ARHGEF3: variants seen among roughly 807,000 people sequenced by gnomAD.
ARHGEF3 encodes 59.8 kDA protein.
A neutral mutation model predicts 63.2 loss-of-function variants in ARHGEF3; 28 were observed. That is an observed-to-expected ratio of 0.44 (90% CI 0.33 to 0.61). The LOEUF (loss-of-function observed/expected upper bound fraction) is 0.61. Ranked by LOEUF, ARHGEF3 falls within the 20% of genes least tolerant of loss-of-function variation. The pLI, the probability that ARHGEF3 is intolerant of heterozygous loss-of-function variation, is 0.03. For missense variants in ARHGEF3, 533 were observed against 659.3 expected (o/e 0.81, Z 2.10); for synonymous variants, 266 against 254.2 (o/e 1.05, Z -0.44).
At chr3:56,944,073 G>A (rs371103206) in intron 3 of ARHGEF3, among the ~76,000 whole-genome samples, 14 of 152,196 alleles carry the variant, frequency 9.2e-5, no homozygotes, top group South Asian at 4.1e-4. Flanking sequence ...CTACTCGGGC[G>A]GCTGAGGCAG....
intron 8 of ARHGEF3, among the ~76,000 whole-genome samples, chr3:56,733,984 CAAAAAAAAAAAA>C (rs777924213): frequency 5.4e-5 from 3 of 55,088 alleles, no homozygotes; most frequent in South Asian, 6.8e-4. Flanking sequence ...AATTCTGTCT[CAAAAAAAAAAAA>C]AAAAAAAAAA....
At chr3:57,002,440 A>C (rs1702236427) in intron 2 of ARHGEF3, among the ~76,000 whole-genome samples, 1 of 53,450 alleles carries the variant, frequency 1.9e-5, no homozygotes, top group South Asian at 7.9e-4. Context: ...ATATATATAT[A>C]TGCCAGGCAC....
At chr3:56,951,543 A>G (rs1699813423) in intron 3 of ARHGEF3, among the ~76,000 whole-genome samples, 1 of 151,984 alleles carries the variant, frequency 6.6e-6, no homozygotes, top group Non-Finnish European at 1.5e-5. Flanking sequence ...TTATTGCCCT[A>G]TTGACTTCAT....
Position 56,994,064 on chromosome 3 carries a change from C to CAAAAAA in ARHGEF3, c.63-35181_63-35176dup, listed in dbSNP as rs60299557. ...GGGCGACAAGAGTGAAACTTCGTCT[C>CAAAAAA]AAAAAAAAAAAAAAAAAAAAAGCAC... On this transcript the variant is annotated intron_variant, in intron 2 of 12. Transcript: ENST00000338458. Among the ~76,000 whole-genome samples, 86 of 59,712 alleles carry CAAAAAA rather than the reference C, an allele frequency of 1.4e-3. 9 individuals are homozygous for CAAAAAA. Among genetic ancestry groups the CAAAAAA allele is most frequent in the African/African-American group, 4.3e-3 (64 of 14,976 alleles). The allele number at this position is 59,712 out of a possible 152,430, so 39.2% of individuals were successfully genotyped here. A position where few individuals can be genotyped will look rare whatever the true frequency, so the allele number is the denominator to read the frequency against.
At chr3:56,913,911 C>T (rs1434451493) in intron 3 of ARHGEF3, among the ~76,000 whole-genome samples, 1 of 152,088 alleles carries the variant, frequency 6.6e-6, no homozygotes, top group Non-Finnish European at 1.5e-5. Context: ...GATAAATAAA[C>T]CGTGGTATAT....
At chr3:56,999,154 A>G (rs1702097691) in intron 2 of ARHGEF3, among the ~76,000 whole-genome samples, 1 of 151,906 alleles carries the variant, frequency 6.6e-6, no homozygotes, top group South Asian at 2.1e-4. Flanking sequence ...GGTTCAAGTG[A>G]TTCTCTTGCC....
chr3:56,817,040 A>C (rs2038299315), intron 4 of ARHGEF3, among the ~76,000 whole-genome samples: 2 of 152,182 alleles, frequency 1.3e-5, no homozygotes, highest in South Asian at 4.1e-4. Flanking sequence ...GTCAACCCCA[A>C]GTGCTAGAGT....
At chr3:56,765,986 A>G (rs1023578088) in intron 2 of ARHGEF3, among the ~76,000 whole-genome samples, 1 of 152,116 alleles carries the variant, frequency 6.6e-6, no homozygotes, top group Non-Finnish European at 1.5e-5. Flanking sequence ...TTGTATTCCC[A>G]AGAGACAACA....
intron 4 of ARHGEF3, among the ~76,000 whole-genome samples, chr3:56,841,590 T>C (rs1483615588): frequency 6.6e-6 from 1 of 152,160 alleles, no homozygotes; most frequent in Admixed American, 6.5e-5. Context: ...CAGTCTGATG[T>C]TTCTAAGTCT....
intron 3 of ARHGEF3, among the ~76,000 whole-genome samples, chr3:56,888,903 C>CAA (rs61452676): frequency 2.2e-5 from 3 of 135,518 alleles, no homozygotes; most frequent in African/African-American, 7.7e-5. Context: ...AACTCCATCT[C>CAA]AAAAAAAAAC....
In ARHGEF3 at chr3:56,785,861, T is replaced by G. The variant is rs2036778735; in HGVS notation, c.97-12045A>C. 3.3e-5 allele frequency among the ~76,000 whole-genome samples: 5 copies of G among 152,228 alleles called. No individual in the cohort carries two copies. In the South Asian group the frequency reaches 1.0e-3, roughly 31 times the overall value. ...GCTGGGTAAAAACTACAGGGACGTC[T>G]GACCAAGGGCACTGGGTCTGCAGAA... On this transcript the variant is annotated intron_variant, in intron 1 of 9. Transcript: ENST00000296315.
At chr3:56,763,502 A>C (rs2035538554) in intron 2 of ARHGEF3, among the ~76,000 whole-genome samples, 1 of 152,188 alleles carries the variant, frequency 6.6e-6, no homozygotes, top group Admixed American at 6.5e-5. Context: ...TACAATAGGG[A>C]TTAAACAAAT....
In ARHGEF3 at chr3:56,853,664, T is replaced by C. The variant is rs188796553; in HGVS notation, c.192+28628A>G. On this transcript the variant is annotated intron_variant, in intron 4 of 12. Transcript: ENST00000338458. ...TTTTATTGTAGACTATGTTGCTCAA[T>C]GTTAAGAACCAAAATTAATGAATGC... Among the ~76,000 whole-genome samples the C allele has an allele frequency of 9.3e-4, 141 of 152,330 alleles. 6 individuals carry two copies. The South Asian group carries it at 0.028, about 30-fold the overall frequency.
At chr3:56,946,576 A>T (rs1364319724) in intron 3 of ARHGEF3, among the ~76,000 whole-genome samples, 1 of 152,206 alleles carries the variant, frequency 6.6e-6, no homozygotes, top group African/African-American at 2.4e-5. Context: ...AAGTTTAGAG[A>T]AAAAAGAATA....
At chr3:57,028,463 A>G (rs9863409) in intron 2 of ARHGEF3, among the ~76,000 whole-genome samples, 2,262 of 101,178 alleles carry the variant, frequency 0.022, 68 homozygotes, top group African/African-American at 0.083. Flanking sequence ...AACACCGCAT[A>G]TTCTCACTCA....
chr3:56,920,911 C>G (rs1207732499), intron 3 of ARHGEF3, among the ~76,000 whole-genome samples: 1 of 151,850 alleles, frequency 6.6e-6, no homozygotes, highest in Admixed American at 6.6e-5. Context: ...AAAAATTAGC[C>G]AGGCGTGGTG....
chr3:56,993,787 G>A (rs1018656690), intron 2 of ARHGEF3, among the ~76,000 whole-genome samples: 7 of 150,706 alleles, frequency 4.6e-5, no homozygotes, highest in Non-Finnish European at 1.0e-4. Context: ...CACACTGTAG[G>A]CCAGGCGCGG....
chr3:57,001,177 C>A (rs1250537801), intron 2 of ARHGEF3, among the ~76,000 whole-genome samples: 1 of 152,162 alleles, frequency 6.6e-6, no homozygotes, highest in Non-Finnish European at 1.5e-5. Context: ...TGGCCTCAAG[C>A]AATCCACCTG....
chr3:57,029,490 A>G (rs1285432502), intron 2 of ARHGEF3, among the ~76,000 whole-genome samples: 1 of 152,118 alleles, frequency 6.6e-6, no homozygotes, highest in African/African-American at 2.4e-5. Context: ...GACTGGGTGA[A>G]GGCTCAAAGA....
Sources: allele counts gnomAD v4.1 joint callset (sites outside exome capture counted in the v4.1 genomes callset), GRCh38; gene constraint gnomAD v4.1.1; transcripts MANE v1.5; gene names NCBI Gene and HGNC (gene_info 2026-07-23, HGNC 2026-07-21).